SEM1: variants seen among roughly 807,000 people sequenced by gnomAD.
SEM1 encodes 26S proteasome complex subunit SEM1.
In SEM1, 3 loss-of-function variants were observed where a neutral mutation model predicts 12.7. The ratio of observed to expected loss-of-function variants is 0.24; its 90% CI spans 0.11 to 0.61. The LOEUF is 0.61. SEM1 is among the 20% of genes least tolerant of loss of function. The pLI, the probability that SEM1 is intolerant of heterozygous loss-of-function variation, is 0.88. For synonymous variants in SEM1, 30 were observed against 27.8 expected, an observed-to-expected ratio of 1.08 and a Z score of -0.25; for missense variants, 59 against 81.3, an observed-to-expected ratio of 0.73 and a Z score of 1.06.
chr7:96,536,767 A>G (rs1486632756), intron 2 of SEM1, among the ~76,000 whole-genome samples: 2 of 151,718 alleles, frequency 1.3e-5, no homozygotes, highest in Non-Finnish European at 1.5e-5. Context: ...AATGTGGCAT[A>G]TCTTTCTCCA....
At chr7:96,585,111 G>T (rs2116089859) in intron 2 of SEM1, among the ~76,000 whole-genome samples, 1 of 152,180 alleles carries the variant, frequency 6.6e-6, no homozygotes, top group South Asian at 2.1e-4. Context: ...ATCTACTTTT[G>T]GTCTTTGATG....
chr7:96,621,367 T>C (rs1297774503), downstream of SEM1, among the ~76,000 whole-genome samples: 2 of 152,198 alleles, frequency 1.3e-5, no homozygotes, highest in Non-Finnish European at 2.9e-5. Context: ...TTCCATTTTG[T>C]TCTGGATAAT....
chr7:96,645,491 T>C (rs1563095758), intron 2 of SEM1: 1 of 321,046 alleles, frequency 3.1e-6, no homozygotes, highest in African/African-American at 2.1e-5. Context: ...GGTAGACAAG[T>C]TGGGTGTTGG....
intron 2 of SEM1, chr7:96,650,421 G>A: frequency 1.4e-6 from 1 of 704,656 alleles, no homozygotes; most frequent in African/African-American, 1.7e-5. Context: ...GCAGTAGATG[G>A]GCACCTCGCC....
At chr7:96,631,572 G>A (rs955288660) in intron 2 of SEM1, among the ~76,000 whole-genome samples, 2 of 151,844 alleles carry the variant, frequency 1.3e-5, no homozygotes, top group African/African-American at 4.8e-5. Flanking sequence ...AGTTAAAACC[G>A]GAGCCTAAGA....
intron 2 of SEM1, chr7:96,649,820 C>G (rs1808914247): frequency 6.6e-6 from 1 of 152,084 alleles, no homozygotes; most frequent in Non-Finnish European, 1.5e-5. Context: ...TTATTATTTC[C>G]CATTTTTAGA....
At chr7:96,561,295 G>T (rs937056074) in intron 2 of SEM1, among the ~76,000 whole-genome samples, 1 of 152,100 alleles carries the variant, frequency 6.6e-6, no homozygotes, top group Non-Finnish European at 1.5e-5. Context: ...ATGGAAAAGG[G>T]GGTGAGGGTT....
At chr7:96,564,190 T>G (rs902634889) in intron 2 of SEM1, among the ~76,000 whole-genome samples, 1 of 152,114 alleles carries the variant, frequency 6.6e-6, no homozygotes, top group Non-Finnish European at 1.5e-5. Flanking sequence ...TTGAGTCGAT[T>G]TTGATGATTT....
chr7:96,663,669 A>G (rs771872603), intron 2 of SEM1, among the ~76,000 whole-genome samples: 1 of 152,214 alleles, frequency 6.6e-6, no homozygotes, highest in Non-Finnish European at 1.5e-5. Flanking sequence ...TACTTTCCTT[A>G]CAGTAGGTTC....
rs73390946 is a variant in SEM1 at position 96,544,197 on chromosome 7, A to T, written c.171-37499T>A. Among the ~76,000 whole-genome samples the T allele has an allele frequency of 4.7e-3, 719 of 152,146 alleles. 2 individuals carry two copies. The highest frequency in any genetic ancestry group is 0.017 in the African/African-American group (693 of 41,544). ...TTTGCTAGCCTGTCCTTTATTTCAT[A>T]ATTTCTAGTATTATAAATTTTGCAT... On this transcript the variant is annotated intron_variant and NMD_transcript_variant, in intron 2 of 3. Transcript: ENST00000466986.
intron 2 of SEM1, among the ~76,000 whole-genome samples, chr7:96,665,017 C>T (rs940778356): frequency 1.3e-5 from 2 of 152,158 alleles, no homozygotes; most frequent in African/African-American, 4.8e-5. Flanking sequence ...TTTAGTTCTC[C>T]CAGATTCACA....
At chr7:96,560,671 A>T (rs1805665222) in intron 2 of SEM1, among the ~76,000 whole-genome samples, 1 of 151,480 alleles carries the variant, frequency 6.6e-6, no homozygotes, top group African/African-American at 2.4e-5. Flanking sequence ...TTTGGTGTTC[A>T]TATCAGCTTT....
intron 2 of SEM1, among the ~76,000 whole-genome samples, chr7:96,617,353 T>C (rs1056344318): frequency 6.6e-6 from 1 of 152,154 alleles, no homozygotes; most frequent in Non-Finnish European, 1.5e-5. Context: ...AGCTAGATCA[T>C]TGTTGTGTAG....
intron 2 of SEM1, among the ~76,000 whole-genome samples, chr7:96,661,988 C>CAA (rs890732912): frequency 2.2e-3 from 77 of 35,604 alleles, no homozygotes; most frequent in Non-Finnish European, 2.9e-3. Context: ...AACTCCGTCT[C>CAA]AAAAAAAAAA....
At chr7:96,634,422 A>G (rs531971905) in intron 2 of SEM1, among the ~76,000 whole-genome samples, 1 of 152,058 alleles carries the variant, frequency 6.6e-6, no homozygotes, top group African/African-American at 2.4e-5. Context: ...AGCCTATGTC[A>G]CATTCATTCA....
chr7:96,575,737 T>C (rs1014314390), intron 2 of SEM1, among the ~76,000 whole-genome samples: 1 of 152,206 alleles, frequency 6.6e-6, no homozygotes, highest in African/African-American at 2.4e-5. Context: ...TCTGCCCACT[T>C]TGACTTTTTA....
chr7:96,579,423 A>G (rs1188780823), intron 2 of SEM1, among the ~76,000 whole-genome samples: 1 of 152,192 alleles, frequency 6.6e-6, no homozygotes, highest in Admixed American at 6.5e-5. Flanking sequence ...AAACACATAC[A>G]TTTCCTCCAA....
At chr7:96,665,527 A>G (rs1445799825) in intron 2 of SEM1, among the ~76,000 whole-genome samples, 1 of 151,982 alleles carries the variant, frequency 6.6e-6, no homozygotes, top group Non-Finnish European at 1.5e-5. Flanking sequence ...ATAGAAAAAT[A>G]CTCTTTTTAT....
At chr7:96,612,588 A>C (rs1807572505) in intron 2 of SEM1, among the ~76,000 whole-genome samples, 1 of 152,154 alleles carries the variant, frequency 6.6e-6, no homozygotes, top group Admixed American at 6.5e-5. Flanking sequence ...TCTCGAGTTG[A>C]GAGGTGGTGA....
Sources: allele counts gnomAD v4.1 joint callset (sites outside exome capture counted in the v4.1 genomes callset), GRCh38; gene constraint gnomAD v4.1.1; transcripts MANE v1.5; gene names NCBI Gene and HGNC (gene_info 2026-07-23, HGNC 2026-07-21).